The following YWHAG variants were observed in gnomAD, a reference collection of about 807,000 sequenced individuals.
The protein encoded by YWHAG is 14-3-3 protein gamma.
YWHAG carries 1 observed loss-of-function variant against 23.3 expected under a neutral mutation model. That is an observed-to-expected ratio of 0.04 (90% CI 0.02 to 0.20). The LOEUF (loss-of-function observed/expected upper bound fraction) is 0.20. Among genes scored for constraint, YWHAG ranks in the 10% least tolerant of loss-of-function variants. The probability of loss-of-function intolerance (pLI) is 1.00; values close to 1 mark genes in which losing one functional copy is unlikely to be tolerated. For synonymous variants in YWHAG, 160 were observed against 144.0 expected, an observed-to-expected ratio of 1.11 and a Z score of -0.80; for missense variants, 151 against 338.6, an observed-to-expected ratio of 0.45 and a Z score of 4.35.
chr7:76,330,258 G>T, intron 1 of YWHAG, 25 bp from the exon 2 acceptor site: 1 of 1,600,702 alleles, frequency 6.2e-7, no homozygotes. Flanking sequence ...GAACAGAGTT[G>T]TTATGGTACA....
In YWHAG at chr7:76,329,463, C is replaced by G. The variant is rs1803507342; in HGVS notation, c.*114G>C. Reference sequence around the variant, plus strand: ...CAAAGACAGGACAGGTCGTGGGTTTCTCCCTGGGAAGGTCATCCCTCCCTT... The same window carrying G: ...CAAAGACAGGACAGGTCGTGGGTTTGTCCCTGGGAAGGTCATCCCTCCCTT... On this transcript the variant is annotated 3_prime_UTR_variant, in exon 2 of 2. Coordinates refer to ENST00000307630, the MANE Select transcript of YWHAG (RefSeq NM_012479.4). This position sits in a 1 kb window ranked among gnomAD's most constrained non-coding sequence, Gnocchi z 6.1. 7.6e-7 allele frequency: 1 copy of G among 1,314,980 alleles called. No homozygotes were observed. The highest frequency in any genetic ancestry group is 1.0e-6 in the Non-Finnish European group (1 of 983,800). The allele number at this position is 1,314,980 out of a possible 1,614,324, so 81.5% of individuals were successfully genotyped here.
At chr7:76,335,451 A>T (rs1430740562) in intron 1 of YWHAG, among the ~76,000 whole-genome samples, 1 of 152,270 alleles carries the variant, frequency 6.6e-6, no homozygotes, top group Non-Finnish European at 1.5e-5. Flanking sequence ...TTTAAAAAGT[A>T]GAACTCCCCA....
At chr7:76,346,249 C>A (rs943186613) in intron 1 of YWHAG, among the ~76,000 whole-genome samples, 10 of 152,272 alleles carry the variant, frequency 6.6e-5, no homozygotes, top group African/African-American at 2.4e-4. Flanking sequence ...CTGGTCTTTC[C>A]TTCCTCGTTC....
intron 1 of YWHAG, among the ~76,000 whole-genome samples, chr7:76,333,659 C>T (rs1803576393): frequency 6.6e-6 from 1 of 152,238 alleles, no homozygotes; most frequent in Non-Finnish European, 1.5e-5. Flanking sequence ...AAAAAAACTG[C>T]CCAGACTTGG....
At chr7:76,357,062 TA>T (rs1385668692) in intron 1 of YWHAG, among the ~76,000 whole-genome samples, 1 of 152,186 alleles carries the variant, frequency 6.6e-6, no homozygotes, top group Non-Finnish European at 1.5e-5. Context: ...ATGGAAAAAT[TA>T]TAAGAGTCTA....
intron 1 of YWHAG, among the ~76,000 whole-genome samples, chr7:76,354,508 A>G (rs1227725540): frequency 6.6e-6 from 1 of 152,242 alleles, no homozygotes; most frequent in Non-Finnish European, 1.5e-5. Flanking sequence ...TGACAGAGCA[A>G]GACTCCGTCT....
At chr7:76,358,293 C>T (rs1803991872) in intron 1 of YWHAG, among the ~76,000 whole-genome samples, 1 of 152,158 alleles carries the variant, frequency 6.6e-6, no homozygotes, top group African/African-American at 2.4e-5. Flanking sequence ...GGAAAGGCGC[C>T]GCCCAGACAC....
At chr7:76,339,951 T>C (rs1024728035) in intron 1 of YWHAG, among the ~76,000 whole-genome samples, 36 of 151,900 alleles carry the variant, frequency 2.4e-4, no homozygotes, top group African/African-American at 7.5e-4. Flanking sequence ...TAGCCAGGTG[T>C]GGTGGCACAC....
chr7:76,330,215 G>A lies in YWHAG; in HGVS notation c.106C>T (p.Pro36Ser). The A allele has an allele frequency of 6.2e-7, 1 of 1,612,182 alleles. No individual in the cohort carries two copies. Among genetic ancestry groups the A allele is most frequent in the South Asian group, 1.1e-5 (1 of 91,072 alleles). Residue 36 changes from proline (P) to serine (S), a missense_variant, in exon 2 of 2, where the codon CCA (proline) becomes TCA (serine). Physicochemically the swap from Pro to Ser is moderately conservative, Grantham distance 74. Transcript: ENST00000307630. ...AGGTTTCGTTCCTCATTCGACAGTG[G>A]CTCATTCAGCTCTGTCACCTGCCAG... ...AMKNVTELNE[P>S]LSNEERNLLS... is the part of the protein sequence containing the mutation.
chr7:76,332,606 A>C (rs1395636770), intron 1 of YWHAG, among the ~76,000 whole-genome samples: 1 of 152,076 alleles, frequency 6.6e-6, no homozygotes, highest in Non-Finnish European at 1.5e-5. Context: ...CTGCAGCCTC[A>C]AACTACTGGG....
intron 1 of YWHAG, among the ~76,000 whole-genome samples, chr7:76,346,149 G>C (rs907977622): frequency 1.3e-5 from 2 of 152,238 alleles, no homozygotes; most frequent in Admixed American, 1.3e-4. Flanking sequence ...CAGTGCTCTT[G>C]GTCTTCATCT....
intron 1 of YWHAG, among the ~76,000 whole-genome samples, chr7:76,344,346 G>A (rs867187817): frequency 3.3e-5 from 5 of 152,196 alleles, no homozygotes; most frequent in Middle Eastern, 3.4e-3. Flanking sequence ...CCTGAGCTCA[G>A]GTGATCAGCC....
chr7:76,335,991 G>C (rs1311237359), intron 1 of YWHAG, among the ~76,000 whole-genome samples: 3 of 152,092 alleles, frequency 2.0e-5, no homozygotes, highest in Non-Finnish European at 4.4e-5. Flanking sequence ...ATGCAACTTT[G>C]CATTTTTAAT....
chr7:76,344,624 T>C (rs1452850653), intron 1 of YWHAG, among the ~76,000 whole-genome samples: 4 of 152,222 alleles, frequency 2.6e-5, no homozygotes, highest in African/African-American at 4.8e-5. Context: ...GCTTCTACAA[T>C]TTCTCCTGGA....
intron 1 of YWHAG, among the ~76,000 whole-genome samples, chr7:76,356,849 T>C (rs10232435): frequency 0.031 from 4,782 of 152,344 alleles, 146 homozygotes; most frequent in East Asian, 0.15. Context: ...AATTCTCATC[T>C]AGTGGAATAT....
At chr7:76,356,097 T>C (rs1201483150) in intron 1 of YWHAG, among the ~76,000 whole-genome samples, 2 of 152,238 alleles carry the variant, frequency 1.3e-5, no homozygotes, top group East Asian at 3.8e-4. Context: ...CTCAAATAAA[T>C]TTTAATCCCT....
chr7:76,332,895 C>T (rs1046745997), intron 1 of YWHAG, among the ~76,000 whole-genome samples: 2 of 151,964 alleles, frequency 1.3e-5, no homozygotes, highest in Non-Finnish European at 2.9e-5. Context: ...GTAGAGACAG[C>T]GTTTTGCCAT....
At chr7:76,351,911 A>G (rs909483893) in intron 1 of YWHAG, among the ~76,000 whole-genome samples, 1 of 152,140 alleles carries the variant, frequency 6.6e-6, no homozygotes, top group Non-Finnish European at 1.5e-5. Context: ...GTCCATGGAA[A>G]AACTGTCTTC....
chr7:76,354,830 T>G (rs1803927247), intron 1 of YWHAG, among the ~76,000 whole-genome samples: 2 of 152,218 alleles, frequency 1.3e-5, no homozygotes, highest in Non-Finnish European at 2.9e-5. Context: ...CCCAAAGAGT[T>G]AACGATTTGC....
Sources: allele counts gnomAD v4.1 joint callset (sites outside exome capture counted in the v4.1 genomes callset), GRCh38; gene constraint gnomAD v4.1.1; non-coding constraint Gnocchi (gnomAD v3.1); transcripts MANE v1.5; gene names NCBI Gene and HGNC (gene_info 2026-07-23, HGNC 2026-07-21).